MAST4: variants seen among roughly 807,000 people sequenced by gnomAD.
MAST4 encodes microtubule associated serine/threonine kinase family member 4.
In MAST4, 89 loss-of-function variants were observed where a neutral mutation model predicts 162.7. The observed-to-expected ratio is 0.55, with a 90% CI of 0.46 to 0.65. MAST4 has a LOEUF of 0.65. Among genes scored for constraint, MAST4 ranks in the 30% least tolerant of loss-of-function variants. The pLI is 0.00. For missense variants in MAST4, 3,153 were observed against 3,374.0 expected (o/e 0.93, Z 1.62); for synonymous variants, 1,479 against 1,361.1 (o/e 1.09, Z -1.91).
chr5:66,636,023 T>G (rs1199746697), intron 1 of MAST4, among the ~76,000 whole-genome samples: 1 of 126,986 alleles, frequency 7.9e-6, no homozygotes, highest in Non-Finnish European at 1.6e-5. Flanking sequence ...AGTTGTGCAA[T>G]CTCAGCTCAC....
At chr5:66,701,958 A>T (rs1030417927) in intron 1 of MAST4, among the ~76,000 whole-genome samples, 17 of 152,350 alleles carry the variant, frequency 1.1e-4, no homozygotes, top group Middle Eastern at 3.4e-3. Context: ...AGGCTTTTAC[A>T]TTCACTTTTG....
In MAST4 at chr5:67,145,173, A is replaced by C; in HGVS notation, c.2888A>C (p.Asp963Ala). 7 of 1,612,230 alleles carry C rather than the reference A, an allele frequency of 4.3e-6. No individual in the cohort carries two copies. Among genetic ancestry groups the C allele is most frequent in the Non-Finnish European group, 5.9e-6 (7 of 1,179,128 alleles). Reference protein sequence around the residue: ...MQQLSTSNSSDTESNRHKLSS... With the variant: ...MQQLSTSNSSATESNRHKLSS... The stretch of plus-strand genomic sequence containing the variant: ...CAGCTATCAACATCCAACTCTTCAG[A>C]TACTGAAAGCAACAGACATAAACTC... The change falls in exon 23 of 29, where the codon GAT becomes GCT. Residue 963 changes from aspartate to alanine, a missense_variant. Asp to Ala is a moderately radical substitution (Grantham distance 126, BLOSUM62 -2). Coordinates refer to ENST00000403625, the MANE Select transcript of MAST4 (RefSeq NM_001164664.2).
At chr5:66,960,326 C>A (rs919519547) in intron 4 of MAST4, among the ~76,000 whole-genome samples, 1 of 152,164 alleles carries the variant, frequency 6.6e-6, no homozygotes, top group African/African-American at 2.4e-5. Flanking sequence ...TCTAATCAGT[C>A]CTTGCTCTAA....
In MAST4 at chr5:67,001,458, A is replaced by AT. The variant is rs1220796301; in HGVS notation, c.675-52946_675-52945insT. 3 of 152,184 alleles carry AT rather than the reference A, an allele frequency of 2.0e-5. No individual in the cohort carries two copies. The East Asian group carries it at 5.8e-4, about 29-fold the overall frequency. The allele number at this position is 152,184 out of a possible 1,614,324, so 9.4% of individuals were successfully genotyped here. On this transcript the variant is annotated intron_variant, in intron 4 of 28. Transcript: ENST00000403625. ...TCAAGCCTTTTAAATGCAAAAAAAA[A>AT]AAATAAATTTAAAGTATATGTAGTT...
At chr5:66,698,220 A>G (rs780801161) in intron 1 of MAST4, among the ~76,000 whole-genome samples, 50 of 151,996 alleles carry the variant, frequency 3.3e-4, no homozygotes, top group Non-Finnish European at 5.6e-4. Context: ...CCACACTCTT[A>G]GTTCCCGCAG....
In MAST4 at chr5:67,163,574, G is replaced by A; in HGVS notation, c.4395G>A (p.Lys1465=). 7 of 1,594,612 alleles carry A rather than the reference G, an allele frequency of 4.4e-6. No individual in the cohort carries two copies. Among genetic ancestry groups the A allele is most frequent in the Non-Finnish European group, 6.0e-6 (7 of 1,171,104 alleles). The change falls in exon 29 of 29, where the codon AAG becomes AAA. Residue 1465 remains lysine, a synonymous_variant. Coordinates refer to ENST00000403625, the MANE Select transcript of MAST4 (RefSeq NM_001164664.2). This position sits in a 1 kb window ranked among gnomAD's most constrained non-coding sequence, Gnocchi z 7.0. The part of the protein sequence containing the change: ...GSDKKHLCSR[K]HSLEVTQEEV... ...ACAAGAAGCACCTGTGCTCCCGCAA[G>A]CACAGCCTGGAGGTGACCCAAGAGG...
intron 4 of MAST4, among the ~76,000 whole-genome samples, chr5:66,956,935 G>A (rs1020579036): frequency 7.9e-5 from 12 of 152,138 alleles, no homozygotes; most frequent in Non-Finnish European, 5.9e-5. Flanking sequence ...GACATTAGGT[G>A]GAAAGAATGG....
chr5:66,977,564 T>C (rs564920778), intron 4 of MAST4, among the ~76,000 whole-genome samples: 1 of 152,206 alleles, frequency 6.6e-6, no homozygotes, highest in South Asian at 2.1e-4. Context: ...ATGCATGATC[T>C]TGTTTATTCA....
rs561729606 is a variant in MAST4 at position 66,934,095 on chromosome 5, A to G, written c.674+34113A>G. ...AAATAAATACAACATAATTGCAAAAAAAGTAGCATGTAAAGTAACAATATG... is the reference window on the plus strand; with the variant it reads ...AAATAAATACAACATAATTGCAAAAGAAGTAGCATGTAAAGTAACAATATG... On this transcript the variant is annotated intron_variant, in intron 4 of 28. Transcript: ENST00000403625. Among the ~76,000 whole-genome samples the G allele has an allele frequency of 1.1e-4, 16 of 152,344 alleles. No individual in the cohort carries two copies. The South Asian group carries it at 3.1e-3, about 30-fold the overall frequency.
At chr5:66,982,917 G>C (rs147142521) in intron 4 of MAST4, among the ~76,000 whole-genome samples, 8 of 152,274 alleles carry the variant, frequency 5.3e-5, no homozygotes, top group African/African-American at 1.9e-4. Context: ...TGTCTAGCTG[G>C]ATTTAGTTTT....
chr5:67,046,975 A>G (rs1053901908), intron 4 of MAST4, among the ~76,000 whole-genome samples: 1 of 152,162 alleles, frequency 6.6e-6, no homozygotes, highest in East Asian at 1.9e-4. Flanking sequence ...TGATACAAAT[A>G]TGGAAAAGCC....
intron 1 of MAST4, among the ~76,000 whole-genome samples, chr5:66,697,707 G>T (rs1299488611): frequency 1.3e-5 from 2 of 152,152 alleles, no homozygotes; most frequent in Non-Finnish European, 2.9e-5. Context: ...ATGCTAACAT[G>T]TAATAGATTT....
chr5:67,022,974 C>T (rs1754171675), intron 4 of MAST4, among the ~76,000 whole-genome samples: 1 of 151,940 alleles, frequency 6.6e-6, no homozygotes, highest in South Asian at 2.1e-4. Context: ...CCTTTTGGTG[C>T]AAGCATGTAA....
intron 15 of MAST4, among the ~76,000 whole-genome samples, chr5:67,131,279 A>G (rs1240073661): frequency 6.6e-6 from 1 of 152,216 alleles, no homozygotes; most frequent in African/African-American, 2.4e-5. Context: ...AAAAACAATT[A>G]CTAACATTTA....
chr5:66,940,089 A>G (rs1270513430), intron 4 of MAST4, among the ~76,000 whole-genome samples: 2 of 152,244 alleles, frequency 1.3e-5, no homozygotes, highest in Non-Finnish European at 2.9e-5. Flanking sequence ...GTATGTGTAT[A>G]TATATGTATA....
At chr5:66,909,152 C>T (rs1320388979) in intron 4 of MAST4, among the ~76,000 whole-genome samples, 1 of 152,130 alleles carries the variant, frequency 6.6e-6, no homozygotes, top group East Asian at 1.9e-4. Context: ...GGGGCTGTTC[C>T]ATTTCCATGA....
intron 3 of MAST4, among the ~76,000 whole-genome samples, chr5:66,860,681 A>C (rs563700849): frequency 6.9e-6 from 1 of 145,328 alleles, no homozygotes; most frequent in Non-Finnish European, 1.5e-5. Context: ...CTGTGCTTCT[A>C]TCTTTCTGTC....
intron 10 of MAST4, among the ~76,000 whole-genome samples, chr5:67,109,247 T>C (rs1362784026): frequency 6.6e-6 from 1 of 152,158 alleles, no homozygotes; most frequent in African/African-American, 2.4e-5. Context: ...CAGGTATAGG[T>C]TGAGCATTCA....
intron 5 of MAST4, among the ~76,000 whole-genome samples, chr5:67,064,020 T>A (rs1759943519): frequency 6.6e-6 from 1 of 152,160 alleles, no homozygotes; most frequent in South Asian, 2.1e-4. Flanking sequence ...GTCATTCAAG[T>A]GATGTAAATA....
Sources: gnomAD v4.1 joint callset for allele counts (sites outside exome capture counted in the v4.1 genomes callset) on GRCh38, gnomAD v4.1.1 for gene constraint, Gnocchi (gnomAD v3.1) non-coding constraint, MANE v1.5 for transcripts, NCBI Gene and HGNC (gene_info 2026-07-23, HGNC 2026-07-21) for gene names.